MYO1B: variants seen among roughly 807,000 people sequenced by gnomAD.
MYO1B encodes unconventional myosin-Ib.
In MYO1B, 72 loss-of-function variants were observed where a neutral mutation model predicts 159.7. That is an observed-to-expected ratio of 0.45 (90% CI 0.37 to 0.55). The LOEUF is 0.55. MYO1B is among the 20% of genes least tolerant of loss of function. MYO1B has a pLI of 0.00. For missense variants in MYO1B, 1,062 were observed against 1,364.8 expected, an observed-to-expected ratio of 0.78 and a Z score of 3.50; for synonymous variants, 468 against 473.8, an observed-to-expected ratio of 0.99 and a Z score of 0.16.
chr2:191,293,892 T>A (rs1465485643), intron 2 of MYO1B, among the ~76,000 whole-genome samples: 1 of 152,196 alleles, frequency 6.6e-6, no homozygotes, highest in Non-Finnish European at 1.5e-5. Context: ...CAGTAACACA[T>A]GGCATATAGG....
chr2:191,413,537 C>T (rs1348842805), intron 27 of MYO1B, among the ~76,000 whole-genome samples: 1 of 152,086 alleles, frequency 6.6e-6, no homozygotes, highest in Non-Finnish European at 1.5e-5. Flanking sequence ...AAGTGATTGC[C>T]CTGGATCTGT....
In MYO1B at chr2:191,313,192, C is replaced by CTTTTTTTTTTTTTTT. The variant is rs762175060; in HGVS notation, c.252-16722_252-16708dup. Reference sequence around the variant, plus strand: ...TAGTTATAATATCTGGCACACATGGCTTTTTTTTTTTTTTTTTTTTTTTTT... The same window carrying CTTTTTTTTTTTTTTT: ...TAGTTATAATATCTGGCACACATGGCTTTTTTTTTTTTTTTTTTTTTTTTTTTTTTTTTTTTTTTT... On this transcript the variant is annotated intron_variant, in intron 3 of 30. Coordinates refer to ENST00000392318, the MANE Select transcript of MYO1B (RefSeq NM_001130158.3). Among the ~76,000 whole-genome samples the CTTTTTTTTTTTTTTT allele has an allele frequency of 2.6e-4, 11 of 42,992 alleles. 2 individuals carry two copies. The highest frequency in any genetic ancestry group is 3.3e-4 in the African/African-American group (3 of 9,030). The allele number at this position is 42,992 out of a possible 152,430, so 28.2% of individuals were successfully genotyped here. A position where few individuals can be genotyped will look rare whatever the true frequency, so the allele number is the denominator to read the frequency against.
chr2:191,345,626 G>A (rs1242145028), intron 5 of MYO1B, among the ~76,000 whole-genome samples: 1 of 152,174 alleles, frequency 6.6e-6, no homozygotes, highest in Non-Finnish European at 1.5e-5. Context: ...TTTGTTGTCT[G>A]GAAAGTTTCA....
Position 191,288,736 on chromosome 2 carries a change from G to A in MYO1B, c.136-7375G>A, listed in dbSNP as rs115190688. 3.9e-3 allele frequency among the ~76,000 whole-genome samples: 592 copies of A among 152,332 alleles called. 4 individuals carry two copies. Among genetic ancestry groups the A allele is most frequent in the African/African-American group, 0.014 (566 of 41,572 alleles). ...CTAAAATCACTCTATCAGTCAGTGC[G>A]ATTGTGCAGCCTTGTGATGGGTTAT... On this transcript the variant is annotated intron_variant, in intron 2 of 30. Transcript: ENST00000392318.
Position 191,330,142 on chromosome 2 carries a change from G to C in MYO1B, c.346+113G>C, listed in dbSNP as rs574727418. Reference sequence around the variant, plus strand: ...GATCTGTCGCAGGGCCACTGTGAGGGTGCTTCTGCAGGAGGATACTGGTTA... The same window carrying C: ...GATCTGTCGCAGGGCCACTGTGAGGCTGCTTCTGCAGGAGGATACTGGTTA... On this transcript the variant is annotated intron_variant, in intron 4 of 30. Coordinates refer to ENST00000392318, the MANE Select transcript of MYO1B (RefSeq NM_001130158.3). 4.0e-5 allele frequency: 33 copies of C among 817,210 alleles called. No individual in the cohort carries two copies. In the South Asian group the frequency reaches 4.9e-4, roughly 12 times the overall value. The allele number at this position is 817,210 out of a possible 1,614,324, so 50.6% of individuals were successfully genotyped here. A position where few individuals can be genotyped will look rare whatever the true frequency, so the allele number is the denominator to read the frequency against.
intron 24 of MYO1B, among the ~76,000 whole-genome samples, chr2:191,406,935 A>G (rs1201536825): frequency 6.6e-6 from 1 of 152,204 alleles, no homozygotes; most frequent in Non-Finnish European, 1.5e-5. Context: ...GTCTGGTGCA[A>G]AAATGCTCAG....
Position 191,416,330 on chromosome 2 carries a change from A to G in MYO1B, c.3287+88A>G, listed in dbSNP as rs749458838. 2.0e-6 allele frequency: 3 copies of G among 1,466,530 alleles called. No homozygotes were observed. In the South Asian group the frequency reaches 3.5e-5, roughly 17 times the overall value. 90.8% of individuals were successfully genotyped at this position (1,466,530 alleles called of 1,614,324 possible). ...CTCGATCTCATTCATTAATACAACTACTTATTAAGTACCAGGTATGTGTCT... is the reference window on the plus strand; with the variant it reads ...CTCGATCTCATTCATTAATACAACTGCTTATTAAGTACCAGGTATGTGTCT... On this transcript the variant is annotated intron_variant, in intron 30 of 30. Transcript: ENST00000392318.
chr2:191,294,796 T>TTATA (rs146354960), intron 2 of MYO1B, among the ~76,000 whole-genome samples: 4 of 151,522 alleles, frequency 2.6e-5, no homozygotes, highest in African/African-American at 9.7e-5. Context: ...GAAAGTGTGT[T>TTATA]TATATATATA....
At chr2:191,350,024 GT>G in intron 6 of MYO1B, 137 bp from the exon 7 acceptor site, 2 of 644,254 alleles carry the variant, frequency 3.1e-6, no homozygotes, top group East Asian at 5.9e-5. Flanking sequence ...TTGCATCGTG[GT>G]TATATAAACT....
intron 30 of MYO1B, 182 bp downstream of exon 30, chr2:191,416,424 C>A: frequency 1.5e-6 from 1 of 652,966 alleles, no homozygotes; most frequent in Non-Finnish European, 2.7e-6. Context: ...ATGTACCTGA[C>A]ATCCTAGTGG....
intron 1 of MYO1B, among the ~76,000 whole-genome samples, chr2:191,268,239 A>G (rs1285828918): frequency 6.6e-6 from 1 of 152,192 alleles, no homozygotes; most frequent in Non-Finnish European, 1.5e-5. Flanking sequence ...TGGTAGATTC[A>G]GTTTCTGGTG....
chr2:191,328,215 C>T (rs922088102), intron 3 of MYO1B, among the ~76,000 whole-genome samples: 1 of 152,188 alleles, frequency 6.6e-6, no homozygotes, highest in Non-Finnish European at 1.5e-5. Flanking sequence ...GGGCTCCTGG[C>T]ACATCAAAGG....
At chr2:191,380,045 A>G (rs1694950280) in intron 13 of MYO1B, among the ~76,000 whole-genome samples, 2 of 152,238 alleles carry the variant, frequency 1.3e-5, no homozygotes, top group Admixed American at 1.3e-4. Context: ...ACAAACTTTT[A>G]TCCTTAACTA....
At chr2:191,302,141 A>G (rs4273251) in intron 3 of MYO1B, among the ~76,000 whole-genome samples, 80,514 of 152,030 alleles carry the variant, frequency 0.53, 22,071 homozygotes, top group East Asian at 0.65. Context: ...TGTCTGAAAG[A>G]CTTGGTCAGC....
rs3053692 is a variant in MYO1B, at chr2:191,359,312, G to GTTTTTT, written c.563-1310_563-1305dup. Among the ~76,000 whole-genome samples the GTTTTTT allele has an allele frequency of 9.6e-5, 13 of 134,730 alleles. 1 individual carries two copies. The highest frequency in any genetic ancestry group is 2.3e-4 in the Admixed American group (3 of 13,038). The allele number at this position is 134,730 out of a possible 152,430, so 88.4% of individuals were successfully genotyped here. Reference sequence around the variant, plus strand: ...CCACTTGTACTTTTCAACCTTTGGGGTTTTTTTTTTTTTTCATGTTTTCTA... The same window carrying GTTTTTT: ...CCACTTGTACTTTTCAACCTTTGGGGTTTTTTTTTTTTTTTTTTTTCATGTTTTCTA... On this transcript the variant is annotated intron_variant, in intron 7 of 30. Transcript: ENST00000392318.
chr2:191,282,255 A>G (rs1199430540), intron 2 of MYO1B, among the ~76,000 whole-genome samples: 1 of 152,204 alleles, frequency 6.6e-6, no homozygotes, highest in Admixed American at 6.5e-5. Context: ...TTATCTTGCT[A>G]TTCCTGGGGT....
At chr2:191,311,624 G>A (rs958426313) in intron 3 of MYO1B, among the ~76,000 whole-genome samples, 3 of 152,282 alleles carry the variant, frequency 2.0e-5, no homozygotes, top group African/African-American at 7.2e-5. Context: ...ATTAATAGCA[G>A]AAGCTTATGC....
At chr2:191,263,213 C>A in intron 1 of MYO1B, 1 of 484,812 alleles carries the variant, frequency 2.1e-6, no homozygotes, top group Non-Finnish European at 2.7e-6. Flanking sequence ...GCTGAGGCTG[C>A]CTCTTCCTAG....
chr2:191,349,897 C>G (rs1485750769), intron 6 of MYO1B, among the ~76,000 whole-genome samples: 1 of 152,098 alleles, frequency 6.6e-6, no homozygotes, highest in Non-Finnish European at 1.5e-5. Flanking sequence ...GAAAAATAAT[C>G]TTAAATGGAA....
Sources: gnomAD v4.1 joint callset for allele counts (sites outside exome capture counted in the v4.1 genomes callset) on GRCh38, gnomAD v4.1.1 for gene constraint, MANE v1.5 for transcripts, NCBI Gene and HGNC (gene_info 2026-07-23, HGNC 2026-07-21) for gene names.